Variants in MCPH1 observed in about 807,000 individuals in gnomAD.
The protein encoded by MCPH1 is microcephalin 1.
Under a neutral mutation model 84.5 loss-of-function variants are expected in MCPH1, and 104 were observed. That is an observed-to-expected ratio of 1.23 (90% confidence interval 1.05 to 1.45). MCPH1 has a LOEUF of 1.45. Among genes scored for constraint, MCPH1 ranks in the 40% most tolerant of loss-of-function variants. The pLI is 0.00. For missense variants in MCPH1, 1,498 were observed against 1,005.7 expected (o/e 1.49, Z -6.62); for synonymous variants, 514 against 366.8 (o/e 1.40, Z -4.58).
intron 11 of MCPH1, among the ~76,000 whole-genome samples, chr8:6,497,937 A>G (rs1586121164): frequency 2.6e-5 from 4 of 152,288 alleles, no homozygotes; most frequent in Admixed American, 2.6e-4. Flanking sequence ...TCTGCCTTAC[A>G]AGTTTGTTCA....
chr8:6,419,393 A>G (rs146660212), intron 3 of MCPH1, among the ~76,000 whole-genome samples: 15 of 150,464 alleles, frequency 1.0e-4, no homozygotes, highest in African/African-American at 2.9e-4. Flanking sequence ...GCCATTAAAA[A>G]ATTTTTTTTT....
chr8:6,447,432 G>T (rs536426556), intron 8 of MCPH1: 2 of 985,230 alleles, frequency 2.0e-6, no homozygotes, highest in Non-Finnish European at 2.4e-6. Flanking sequence ...TTTACTTGTT[G>T]CTGTTGTCAG....
intron 12 of MCPH1, chr8:6,514,827 C>G (rs199778883): frequency 3.1e-5 from 47 of 1,513,172 alleles, no homozygotes; most frequent in Admixed American, 1.2e-4. Flanking sequence ...CCCACTCCCC[C>G]CTTACGTAGC....
Position 6,531,293 on chromosome 8 carries a change from C to CTT in MCPH1, c.2214+31376_2214+31377dup, listed in dbSNP as rs112161330. On this transcript the variant is annotated intron_variant, in intron 12 of 13. Transcript: ENST00000344683. ...TACTAGTTTCTTTCTTTCTTTCTTT[C>CTT]TTTTTTTTTTTTTGAGTTGAAGTCT... 5.5e-4 allele frequency among the ~76,000 whole-genome samples: 79 copies of CTT among 142,398 alleles called. 1 individual carries two copies. The highest frequency in any genetic ancestry group is 8.9e-4 in the Non-Finnish European group (58 of 65,064). 93.4% of individuals were successfully genotyped at this position (142,398 alleles called of 152,430 possible). A position where few individuals can be genotyped will look rare whatever the true frequency, so the allele number is the denominator to read the frequency against.
At position 6,443,800 on chromosome 8, in the gene MCPH1, AGG is replaced by A. The variant is rs1438386881; in HGVS notation, c.671-592_671-591del. Among the ~76,000 whole-genome samples, 4 of 152,206 alleles carry A rather than the reference AGG, an allele frequency of 2.6e-5. No individual in the cohort carries two copies. The East Asian group carries it at 7.7e-4, about 29-fold the overall frequency. The stretch of plus-strand genomic sequence containing the variant: ...AGAATAAAGTGTGGAGGAAAGGGGA[AGG>A]CCCAGAGGGTACAGAGGAGTATAGA... On this transcript the variant is annotated intron_variant, in intron 7 of 13. Transcript: ENST00000344683.
chr8:6,514,621 G>A (rs1436466560), intron 12 of MCPH1: 12 of 1,489,522 alleles, frequency 8.1e-6, no homozygotes, highest in Non-Finnish European at 1.1e-5. Flanking sequence ...CGCAGATCTT[G>A]AAAGCTATTT....
At chr8:6,504,084 C>T (rs978319932) in intron 12 of MCPH1, among the ~76,000 whole-genome samples, 24 of 151,354 alleles carry the variant, frequency 1.6e-4, no homozygotes, top group Non-Finnish European at 7.4e-5. Context: ...TTTGGGAGGC[C>T]GAGGTGGGTG....
chr8:6,566,335 G>T (rs1826147669), intron 12 of MCPH1, among the ~76,000 whole-genome samples: 1 of 152,232 alleles, frequency 6.6e-6, no homozygotes, highest in Admixed American at 6.5e-5. Flanking sequence ...GCGGTGTGGT[G>T]ACCGTGTGTG....
At chr8:6,511,532 T>G (rs528897780) in intron 12 of MCPH1, among the ~76,000 whole-genome samples, 1 of 152,176 alleles carries the variant, frequency 6.6e-6, no homozygotes, top group East Asian at 1.9e-4. Context: ...TTTCCAACAC[T>G]TGGGGAACAT....
intron 12 of MCPH1, among the ~76,000 whole-genome samples, chr8:6,542,514 G>T (rs1821794785): frequency 6.6e-6 from 1 of 151,976 alleles, no homozygotes; most frequent in Non-Finnish European, 1.5e-5. Flanking sequence ...AGTGCTAGCT[G>T]GTAGCAGAGT....
At chr8:6,511,899 CTT>C (rs34089402) in intron 12 of MCPH1, among the ~76,000 whole-genome samples, 176 of 141,896 alleles carry the variant, frequency 1.2e-3, no homozygotes, top group Middle Eastern at 3.6e-3. Context: ...TTTTGTGCTT[CTT>C]TTTTTTTTTT....
chr8:6,438,064 A>C (rs574382798), intron 5 of MCPH1, among the ~76,000 whole-genome samples: 4 of 152,320 alleles, frequency 2.6e-5, no homozygotes, highest in African/African-American at 9.6e-5. Flanking sequence ...TAGGTGCTTT[A>C]TGATCTGGCC....
Position 6,643,056 on chromosome 8 carries a change from C to A in MCPH1, c.*7C>A. The A allele has an allele frequency of 6.2e-7, 1 of 1,612,656 alleles. No homozygotes were observed. The highest frequency in any genetic ancestry group is 2.2e-5 in the East Asian group (1 of 44,874). On this transcript the variant is annotated 3_prime_UTR_variant, in exon 14 of 14. Coordinates refer to ENST00000344683, the MANE Select transcript of MCPH1 (RefSeq NM_024596.5). The stretch of plus-strand genomic sequence containing the variant: ...CTACCTATTGTCACAATGACAGTGA[C>A]CTCACTGGCCTGTGGTGACTGCACA...
chr8:6,541,208 G>C (rs1208514295), intron 12 of MCPH1, among the ~76,000 whole-genome samples: 1 of 152,214 alleles, frequency 6.6e-6, no homozygotes, highest in African/African-American at 2.4e-5. Context: ...AGCAGCACCA[G>C]AGGGTTTCCC....
intron 9 of MCPH1, among the ~76,000 whole-genome samples, chr8:6,457,083 C>A (rs1311794320): frequency 1.3e-5 from 2 of 152,164 alleles, no homozygotes; most frequent in African/African-American, 2.4e-5. Context: ...TACACAATTA[C>A]AAATACACAC....
chr8:6,513,264 A>G (rs1287427926), intron 12 of MCPH1, among the ~76,000 whole-genome samples: 1 of 152,114 alleles, frequency 6.6e-6, no homozygotes, highest in East Asian at 1.9e-4. Context: ...TCTTGGTTAA[A>G]TCATTGTGTT....
At chr8:6,457,283 A>G (rs1805788309) in intron 9 of MCPH1, among the ~76,000 whole-genome samples, 1 of 152,164 alleles carries the variant, frequency 6.6e-6, no homozygotes, top group African/African-American at 2.4e-5. Context: ...AGAATCACTC[A>G]AAGCAGGTTT....
chr8:6,611,180 G>C (rs946913428), intron 12 of MCPH1, among the ~76,000 whole-genome samples: 1 of 151,850 alleles, frequency 6.6e-6, no homozygotes, highest in Non-Finnish European at 1.5e-5. Context: ...CAAATGTATG[G>C]GTTTTTTTCA....
At chr8:6,508,989 T>A (rs1257832723) in intron 12 of MCPH1, 1 of 1,614,060 alleles carries the variant, frequency 6.2e-7, no homozygotes, top group African/African-American at 1.3e-5. Flanking sequence ...CCATCCTTTG[T>A]GCTAAAATCA....
Sources: allele counts gnomAD v4.1 joint callset (sites outside exome capture counted in the v4.1 genomes callset), GRCh38; gene constraint gnomAD v4.1.1; transcripts MANE v1.5; gene names NCBI Gene and HGNC (gene_info 2026-07-23, HGNC 2026-07-21).